ASIC1: variants seen among roughly 807,000 people sequenced by gnomAD.
ASIC1 encodes acid sensing ion channel subunit 1.
Under a neutral mutation model 63.4 loss-of-function variants are expected in ASIC1, and 21 were observed. The observed-to-expected ratio is 0.33, with a 90% CI of 0.23 to 0.48. The LOEUF is 0.48. Ranked by LOEUF, ASIC1 falls within the 20% of genes least tolerant of loss-of-function variation. ASIC1 has a pLI of 0.99. For missense variants in ASIC1, 478 were observed against 695.5 expected, an observed-to-expected ratio of 0.69 and a Z score of 3.52; for synonymous variants, 258 against 278.2, an observed-to-expected ratio of 0.93 and a Z score of 0.72.
Position 50,059,574 on chromosome 12 carries a change from G to A in ASIC1, c.363-185G>A, listed in dbSNP as rs1418190152. The stretch of plus-strand genomic sequence containing the variant: ...GCTGGGATGGGATGCCCTGCCCCTG[G>A]GCAGCCACTACAGTTCCTCCTGTCA... On this transcript the variant is annotated intron_variant, in intron 2 of 11. Transcript: ENST00000447966. The surrounding 1 kb of genome is among the most constrained non-coding windows in gnomAD (Gnocchi z 4.6). Among the ~76,000 whole-genome samples the A allele has an allele frequency of 6.6e-6, 1 of 152,136 alleles. No homozygotes were observed.
At chr12:50,080,728 G>A (rs1212211981) in intron 9 of ASIC1, 139 bp downstream of exon 9, 1 of 1,611,512 alleles carries the variant, frequency 6.2e-7, no homozygotes, top group South Asian at 1.1e-5. Flanking sequence ...TGTTGTCTTG[G>A]TAAGTGGTGA....
intron 3 of ASIC1, among the ~76,000 whole-genome samples, chr12:50,066,492 T>A (rs778536289): frequency 1.1e-4 from 17 of 152,102 alleles, no homozygotes; most frequent in Non-Finnish European, 2.5e-4. Flanking sequence ...TTTTTGATGC[T>A]TTTGTCTTTT....
chr12:50,063,275 A>G (rs972589131), intron 3 of ASIC1, among the ~76,000 whole-genome samples: 3 of 152,142 alleles, frequency 2.0e-5, no homozygotes, highest in African/African-American at 7.2e-5. Context: ...AGCTGGTGCC[A>G]TCCTCCAGCT....
chr12:50,075,516 C>T (rs1950646855), intron 3 of ASIC1, among the ~76,000 whole-genome samples: 1 of 152,208 alleles, frequency 6.6e-6, no homozygotes, highest in Non-Finnish European at 1.5e-5. Context: ...TGCCGCAAGA[C>T]CTGGTCATGG....
chr12:50,060,616 C>T lies in ASIC1; in HGVS notation c.558+662C>T, dbSNP rs547799134. Among the ~76,000 whole-genome samples, 20 of 152,324 alleles carry T rather than the reference C, an allele frequency of 1.3e-4. No homozygotes were observed. The South Asian group carries it at 3.7e-3, about 28-fold the overall frequency. ...CAGGATCTGAGGAAAGGAAGGCCATCGGGACACCCAGTCATGGCTGCCCTG... is the reference window on the plus strand; with the variant it reads ...CAGGATCTGAGGAAAGGAAGGCCATTGGGACACCCAGTCATGGCTGCCCTG... On this transcript the variant is annotated intron_variant, in intron 3 of 11. Transcript: ENST00000447966.
intron 7 of ASIC1, 100 bp from the exon 8 acceptor site, chr12:50,079,802 G>A: frequency 1.4e-6 from 2 of 1,382,370 alleles, no homozygotes; most frequent in Non-Finnish European, 2.0e-6. Flanking sequence ...GAAAGAGAAA[G>A]GGGCCCAGAG....
chr12:50,060,555 G>A (rs2137807774), intron 3 of ASIC1, among the ~76,000 whole-genome samples: 1 of 152,308 alleles, frequency 6.6e-6, no homozygotes, highest in South Asian at 2.1e-4. Flanking sequence ...ACACTGTTTG[G>A]TTAGGTTTCC....
intron 7 of ASIC1, among the ~76,000 whole-genome samples, chr12:50,079,685 G>A (rs773403291): frequency 6.6e-6 from 1 of 152,158 alleles, no homozygotes; most frequent in African/African-American, 2.4e-5. Context: ...TTGGTTCAGT[G>A]GCCTGCAGGG....
At chr12:50,068,018 C>A (rs1224503829) in intron 3 of ASIC1, among the ~76,000 whole-genome samples, 1 of 152,150 alleles carries the variant, frequency 6.6e-6, no homozygotes, top group Non-Finnish European at 1.5e-5. Flanking sequence ...GTTTCCTAGT[C>A]AATGCTACCC....
chr12:50,071,922 A>G (rs564796862), intron 3 of ASIC1, among the ~76,000 whole-genome samples: 2 of 152,242 alleles, frequency 1.3e-5, no homozygotes, highest in East Asian at 3.9e-4. Context: ...TTTAGGCAAA[A>G]GAGGAGGGCA....
rs1005465868 is a variant in ASIC1, at chr12:50,079,755, G to A, written c.1052-147G>A. 6.9e-6 allele frequency: 7 copies of A among 1,017,680 alleles called. No homozygotes were observed. The Admixed American group carries it at 7.3e-5, about 11-fold the overall frequency. The allele number at this position is 1,017,680 out of a possible 1,614,324, so 63.0% of individuals were successfully genotyped here. On this transcript the variant is annotated intron_variant, in intron 7 of 11. Coordinates refer to ENST00000447966, the MANE Select transcript of ASIC1 (RefSeq NM_001095.4). Reference sequence around the variant, plus strand: ...TGGATGGTGAGGTAGGATGTTGGCAGAGTTTAGCATCCAGGCAGGGTGAAG... The same window carrying A: ...TGGATGGTGAGGTAGGATGTTGGCAAAGTTTAGCATCCAGGCAGGGTGAAG...
chr12:50,081,600 T>G lies in ASIC1; in HGVS notation c.1538T>G (p.Ile513Ser). 6.2e-7 allele frequency: 1 copy of G among 1,614,050 alleles called. No homozygotes were observed. Among genetic ancestry groups the G allele is most frequent in the Non-Finnish European group, 8.5e-7 (1 of 1,179,998 alleles). ...GCCGGGATGACATACGCTGCCAACA[T>G]CCTACCTCACCATCCGGCCCGAGGC... Reference protein sequence around the residue: ...HPAGMTYAANILPHHPARGTF... With the variant: ...HPAGMTYAANSLPHHPARGTF... The change falls in exon 12 of 12, where the codon ATC becomes AGC. Residue 513 changes from isoleucine (I) to serine (S), a missense_variant. Coordinates refer to ENST00000447966, the MANE Select transcript of ASIC1 (RefSeq NM_001095.4).
Position 50,078,592 on chromosome 12 carries a change from T to TC in ASIC1, c.994+17dup. 1 of 1,613,462 alleles carries TC rather than the reference T, an allele frequency of 6.2e-7. No individual in the cohort carries two copies. The highest frequency in any genetic ancestry group is 8.5e-7 in the Non-Finnish European group (1 of 1,179,768). ...GCACATGCCAGGTCAGGCCTGGGGC[T>TC]CCGAGCATACTCCTGGGGTCCCTGG... is the stretch of plus-strand genomic sequence containing the variant. On this transcript the variant is annotated intron_variant, in intron 6 of 11. Coordinates refer to ENST00000447966, the MANE Select transcript of ASIC1 (RefSeq NM_001095.4). This position sits in a 1 kb window ranked among gnomAD's most constrained non-coding sequence, Gnocchi z 6.0.
chr12:50,074,379 G>T lies in ASIC1; in HGVS notation c.559-2834G>T. ...GTGCTGCCCCCTACCTCATCTGGCT[G>T]ACACAGGCCAGAGCTCACCCAGGAG... On this transcript the variant is annotated intron_variant, in intron 3 of 11. Coordinates refer to ENST00000447966, the MANE Select transcript of ASIC1 (RefSeq NM_001095.4). This position sits in a 1 kb window ranked among gnomAD's most constrained non-coding sequence, Gnocchi z 4.2. The T allele has an allele frequency of 7.3e-7, 1 of 1,378,462 alleles. No homozygotes were observed. The highest frequency in any genetic ancestry group is 1.8e-5 in the South Asian group (1 of 56,066). The allele number at this position is 1,378,462 out of a possible 1,614,324, so 85.4% of individuals were successfully genotyped here.
At position 50,080,481 on chromosome 12, in the gene ASIC1, C is replaced by T; in HGVS notation, c.1206-17C>T. On this transcript the variant is annotated splice_polypyrimidine_tract_variant and intron_variant, in intron 8 of 11. Transcript: ENST00000447966. ...ATATGACTTGAACCTAGGTCTCCTCCCCCAATCCCTGTGCAGGGAGAACAT... is the reference window on the plus strand; with the variant it reads ...ATATGACTTGAACCTAGGTCTCCTCTCCCAATCCCTGTGCAGGGAGAACAT... 6.2e-7 allele frequency: 1 copy of T among 1,612,530 alleles called. No homozygotes were observed. Among genetic ancestry groups the T allele is most frequent in the Non-Finnish European group, 8.5e-7 (1 of 1,178,798 alleles).
rs376276861 is a variant in ASIC1, at chr12:50,074,860, CTGTGTGTGTGTGTGTGTGTGTGTGTG to C, written c.559-2331_559-2306del. ...TATGGACGCCCCACCCCCACCAGCT[CTGTGTGTGTGTGTGTGTGTGTGTGTG>C]TGTGTGTGTGTGTGTGTGTGTCTGA... On this transcript the variant is annotated intron_variant, in intron 3 of 11. Coordinates refer to ENST00000447966, the MANE Select transcript of ASIC1 (RefSeq NM_001095.4). The surrounding 1 kb of genome is among the most constrained non-coding windows in gnomAD (Gnocchi z 4.2). Among the ~76,000 whole-genome samples, 3 of 141,418 alleles carry C rather than the reference CTGTGTGTGTGTGTGTGTGTGTGTGTG, an allele frequency of 2.1e-5. No homozygotes were observed. Among genetic ancestry groups the C allele is most frequent in the South Asian group, 2.4e-4 (1 of 4,096 alleles). 92.8% of individuals were successfully genotyped at this position (141,418 alleles called of 152,430 possible). A position where few individuals can be genotyped will look rare whatever the true frequency, so the allele number is the denominator to read the frequency against.
chr12:50,077,919 G>A (rs1950673764), intron 4 of ASIC1, 81 bp from the exon 5 acceptor site: 1 of 1,532,826 alleles, frequency 6.5e-7, no homozygotes. Context: ...CTTATTTCCA[G>A]GAGAGGTAGG....
Position 50,081,250 on chromosome 12 carries a change from C to G in ASIC1, c.1378-10C>G. ...GTCCAGCCCGCCCACCTGCCCCGTC[C>G]CCGTCCTAGGTCATTAAGCACAAGC... is the stretch of plus-strand genomic sequence containing the variant. On this transcript the variant is annotated splice_polypyrimidine_tract_variant and intron_variant, in intron 10 of 11. Transcript: ENST00000447966. The G allele has an allele frequency of 1.2e-6, 2 of 1,605,934 alleles. No homozygotes were observed. The highest frequency in any genetic ancestry group is 1.7e-6 in the Non-Finnish European group (2 of 1,176,390).
At chr12:50,076,167 A>AGTTGCAGTGAGCTGAGATCGC (rs1950652995) in intron 3 of ASIC1, among the ~76,000 whole-genome samples, 1 of 152,114 alleles carries the variant, frequency 6.6e-6, no homozygotes, top group Non-Finnish European at 1.5e-5. Flanking sequence ...GGCTGAATGA[A>AGTTGCAGTGAGCTGAGATCGC]ACCAAAAAAC....
Sources: allele counts gnomAD v4.1 joint callset (sites outside exome capture counted in the v4.1 genomes callset), GRCh38; gene constraint gnomAD v4.1.1; non-coding constraint Gnocchi (gnomAD v3.1); transcripts MANE v1.5; gene names NCBI Gene and HGNC (gene_info 2026-07-23, HGNC 2026-07-21).